GALNT2: variants seen among roughly 807,000 people sequenced by gnomAD.
The protein encoded by GALNT2 is polypeptide N-acetylgalactosaminyltransferase 2.
Under a neutral mutation model 81.4 loss-of-function variants are expected in GALNT2, and 31 were observed. The ratio of observed to expected loss-of-function variants is 0.38; its 90% CI spans 0.29 to 0.51. The LOEUF is 0.51. GALNT2 is among the 20% of genes least tolerant of loss of function. GALNT2 has a pLI of 0.87. For synonymous variants in GALNT2, 303 were observed against 287.4 expected (o/e 1.05, Z -0.55); for missense variants, 629 against 765.7 (o/e 0.82, Z 2.11).
intron 1 of GALNT2, among the ~76,000 whole-genome samples, chr1:230,164,243 G>A (rs1028128073): frequency 6.6e-6 from 1 of 152,178 alleles, no homozygotes; most frequent in Non-Finnish European, 1.5e-5. Context: ...CAGAAGGGCC[G>A]TCGGGCCCAT....
At chr1:230,156,210 GGAGA>G (rs750570856) in intron 1 of GALNT2, among the ~76,000 whole-genome samples, 2 of 72,820 alleles carry the variant, frequency 2.7e-5, no homozygotes, top group Admixed American at 1.4e-4. Context: ...AGCAGACGAG[GGAGA>G]GAGAGAGAGA....
At position 230,096,597 on chromosome 1, in the gene GALNT2, G is replaced by C. The variant is rs115607489; in HGVS notation, c.126+29191G>C. ...GTTTTTTTTTGTTGTTAATCCATCAGTCTTTCTCAATTCATAATTAATTTC... is the reference window on the plus strand; with the variant it reads ...GTTTTTTTTTGTTGTTAATCCATCACTCTTTCTCAATTCATAATTAATTTC... On this transcript the variant is annotated intron_variant, in intron 1 of 15. Coordinates refer to ENST00000366672, the MANE Select transcript of GALNT2 (RefSeq NM_004481.5). Among the ~76,000 whole-genome samples the C allele has an allele frequency of 2.6e-3, 388 of 152,080 alleles. 1 individual carries two copies. The highest frequency in any genetic ancestry group is 9.1e-3 in the African/African-American group (376 of 41,476).
chr1:230,251,976 T>G (rs1665558336), intron 10 of GALNT2, among the ~76,000 whole-genome samples: 1 of 152,064 alleles, frequency 6.6e-6, no homozygotes, highest in South Asian at 2.1e-4. Context: ...TAGAAGGTTC[T>G]AGGGTCTGAG....
chr1:230,156,445 G>A (rs1156790809), intron 1 of GALNT2, among the ~76,000 whole-genome samples: 2 of 152,012 alleles, frequency 1.3e-5, no homozygotes, highest in Non-Finnish European at 2.9e-5. Context: ...TATATTCATT[G>A]GTGAGTTCAC....
rs771678719 is a variant in GALNT2, at chr1:230,246,048, C to T, written c.730-15C>T. ...TGCTGGGATTTTGATAACTACTCCTCTCTTTGTATTTTAGGACAGGACTCG... is the reference window on the plus strand; with the variant it reads ...TGCTGGGATTTTGATAACTACTCCTTTCTTTGTATTTTAGGACAGGACTCG... On this transcript the variant is annotated splice_polypyrimidine_tract_variant and intron_variant, in intron 7 of 15. Transcript: ENST00000366672. 1.9e-6 allele frequency: 3 copies of T among 1,605,628 alleles called. No individual in the cohort carries two copies. The highest frequency in any genetic ancestry group is 2.6e-6 in the Non-Finnish European group (3 of 1,172,300).
chr1:230,083,646 G>A (rs1380961722), intron 1 of GALNT2, among the ~76,000 whole-genome samples: 1 of 152,206 alleles, frequency 6.6e-6, no homozygotes, highest in Non-Finnish European at 1.5e-5. Context: ...TCATTTTAAG[G>A]CATTGATCTT....
chr1:230,075,064 C>T lies in GALNT2; in HGVS notation c.126+7658C>T, dbSNP rs186219817. ...CCTCATTTGGAAAGTTCCTGGAAGG[C>T]ATCTTGGAGCAGATGCACACTTGAT... On this transcript the variant is annotated intron_variant, in intron 1 of 15. Coordinates refer to ENST00000366672, the MANE Select transcript of GALNT2 (RefSeq NM_004481.5). Among the ~76,000 whole-genome samples the T allele has an allele frequency of 2.8e-5, 4 of 140,510 alleles. No homozygotes were observed. In the East Asian group the frequency reaches 6.1e-4, roughly 22 times the overall value. The allele number at this position is 140,510 out of a possible 152,430, so 92.2% of individuals were successfully genotyped here.
At chr1:230,191,803 G>A (rs957905499) in intron 2 of GALNT2, among the ~76,000 whole-genome samples, 36 of 151,686 alleles carry the variant, frequency 2.4e-4, no homozygotes, top group African/African-American at 8.2e-4. Flanking sequence ...GTGAGCCACC[G>A]TGCCCATTCA....
Position 230,279,607 on chromosome 1 carries a change from C to G in GALNT2, c.*149C>G. 1 of 990,848 alleles carries G rather than the reference C, an allele frequency of 1.0e-6. No individual in the cohort carries two copies. The highest frequency in any genetic ancestry group is 2.7e-5 in the East Asian group (1 of 37,674). 61.4% of individuals were successfully genotyped at this position (990,848 alleles called of 1,614,324 possible). On this transcript the variant is annotated 3_prime_UTR_variant, in exon 16 of 16. Transcript: ENST00000366672. This position sits in a 1 kb window ranked among gnomAD's most constrained non-coding sequence, Gnocchi z 4.6. The stretch of plus-strand genomic sequence containing the variant: ...CTGAAAGTCAAACTTCGGCAAGGCA[C>G]GGACGACTGTGCAGACACAGCAGCG...
intron 2 of GALNT2, among the ~76,000 whole-genome samples, chr1:230,181,037 A>G: frequency 6.6e-6 from 1 of 152,152 alleles, no homozygotes; most frequent in East Asian, 1.9e-4. Context: ...ACAGACAATC[A>G]TGTGATCTAT....
intron 1 of GALNT2, among the ~76,000 whole-genome samples, chr1:230,076,126 C>A (rs1221129459): frequency 1.3e-5 from 2 of 152,206 alleles, no homozygotes; most frequent in Non-Finnish European, 2.9e-5. Context: ...TGTGTGTACT[C>A]TCATAATCGC....
intron 1 of GALNT2, among the ~76,000 whole-genome samples, chr1:230,139,076 A>G (rs976719710): frequency 2.0e-4 from 31 of 152,110 alleles, no homozygotes; most frequent in African/African-American, 6.5e-4. Context: ...CTCAGTGTCT[A>G]CCCTCACGGG....
intron 1 of GALNT2, among the ~76,000 whole-genome samples, chr1:230,090,772 T>C (rs145695877): frequency 7.2e-5 from 11 of 152,336 alleles, no homozygotes; most frequent in African/African-American, 2.6e-4. Flanking sequence ...AGTGTGTAAA[T>C]CACAGGTAAT....
chr1:230,281,951 A>G lies in GALNT2; in HGVS notation c.*2493A>G, dbSNP rs1666459607. ...TTCTTATGTCCTCATAAAAGCTCAGATGATGGTATCTGTGAGTATGTTTTG... is the reference window on the plus strand; with the variant it reads ...TTCTTATGTCCTCATAAAAGCTCAGGTGATGGTATCTGTGAGTATGTTTTG... On this transcript the variant is annotated 3_prime_UTR_variant, in exon 16 of 16. Coordinates refer to ENST00000366672, the MANE Select transcript of GALNT2 (RefSeq NM_004481.5). 6.6e-6 allele frequency: 1 copy of G among 152,376 alleles called. No homozygotes were observed. Among genetic ancestry groups the G allele is most frequent in the Non-Finnish European group, 1.5e-5 (1 of 68,034 alleles). The allele number at this position is 152,376 out of a possible 1,614,324, so 9.4% of individuals were successfully genotyped here. A position where few individuals can be genotyped will look rare whatever the true frequency, so the allele number is the denominator to read the frequency against.
intron 1 of GALNT2, among the ~76,000 whole-genome samples, chr1:230,164,945 C>G (rs1156533131): frequency 6.6e-6 from 1 of 152,140 alleles, no homozygotes; most frequent in Non-Finnish European, 1.5e-5. Flanking sequence ...CTAGAAACAG[C>G]TTTTGTGTCC....
rs144177991 is a variant in GALNT2 at position 230,256,702 on chromosome 1, T to C, written c.1136+1358T>C. Among the ~76,000 whole-genome samples, 1,307 of 152,308 alleles carry C rather than the reference T, an allele frequency of 8.6e-3. 8 individuals are homozygous for C. Among genetic ancestry groups the C allele is most frequent in the Non-Finnish European group, 0.015 (989 of 68,016 alleles). On this transcript the variant is annotated intron_variant, in intron 11 of 15. Transcript: ENST00000366672. ...CAAATAGCCGTTCTATCAAGCCAAG[T>C]GTCCTTCTAGGGAATTCTCTTACAT...
At chr1:230,259,676 G>A (rs570185288) in intron 11 of GALNT2, 1 of 152,268 alleles carries the variant, frequency 6.6e-6, no homozygotes, top group Non-Finnish European at 1.5e-5. Context: ...GTGGAAAATG[G>A]TCCTTGTGCC....
At chr1:230,260,411 C>T (rs1665841455) in intron 11 of GALNT2, among the ~76,000 whole-genome samples, 1 of 152,078 alleles carries the variant, frequency 6.6e-6, no homozygotes. Context: ...GCCTAGTTAT[C>T]CTTTTCTATT....
chr1:230,164,048 C>CT (rs374805563), intron 1 of GALNT2, among the ~76,000 whole-genome samples: 9 of 152,126 alleles, frequency 5.9e-5, no homozygotes, highest in South Asian at 2.1e-4. Context: ...GTTTTGTCAT[C>CT]TTTTTTTTAA....
Sources: gnomAD v4.1 joint callset for allele counts (sites outside exome capture counted in the v4.1 genomes callset) on GRCh38, gnomAD v4.1.1 for gene constraint, Gnocchi (gnomAD v3.1) non-coding constraint, MANE v1.5 for transcripts, NCBI Gene and HGNC (gene_info 2026-07-23, HGNC 2026-07-21) for gene names.